The following SEMA6A variants were observed in gnomAD, a reference collection of about 807,000 sequenced individuals.
SEMA6A encodes the protein semaphorin 6A, also known as semaphorin-6A.
Under a neutral mutation model 96.8 loss-of-function variants are expected in SEMA6A, and 25 were observed. The observed-to-expected ratio is 0.26, with a 90% CI of 0.19 to 0.36. The LOEUF (loss-of-function observed/expected upper bound fraction) is 0.36. SEMA6A is among the 10% of genes least tolerant of loss of function. SEMA6A has a pLI of 1.00. For missense variants in SEMA6A, 1,363 were observed against 1,323.1 expected, an observed-to-expected ratio of 1.03 and a Z score of -0.47; for synonymous variants, 612 against 518.0, an observed-to-expected ratio of 1.18 and a Z score of -2.46.
chr5:116,471,296 T>C (rs762953348), intron 17 of SEMA6A: 11 of 152,246 alleles, frequency 7.2e-5, no homozygotes, highest in Non-Finnish European at 1.2e-4. Flanking sequence ...AGAGAGAACA[T>C]AGCTTAGGTA....
chr5:116,454,316 A>ATAGAT (rs1754848822), intron 18 of SEMA6A, among the ~76,000 whole-genome samples: 1 of 152,214 alleles, frequency 6.6e-6, no homozygotes, highest in South Asian at 2.1e-4. Flanking sequence ...TCCCCTAAAA[A>ATAGAT]TAGATTCTTG....
intron 1 of SEMA6A, among the ~76,000 whole-genome samples, chr5:116,519,069 A>G (rs1758804503): frequency 6.6e-6 from 1 of 152,186 alleles, no homozygotes; most frequent in South Asian, 2.1e-4. Context: ...TATCTATTTA[A>G]TCAGCTCTTT....
chr5:116,480,009 GCC>G, intron 12 of SEMA6A, 111 bp downstream of exon 12: 2 of 1,249,886 alleles, frequency 1.6e-6, no homozygotes. Context: ...CTGAATGAAT[GCC>G]CAGGATAGCA....
chr5:116,474,413 C>T (rs537076449), intron 16 of SEMA6A, among the ~76,000 whole-genome samples: 1 of 152,274 alleles, frequency 6.6e-6, no homozygotes, highest in East Asian at 1.9e-4. Flanking sequence ...TGAACGCACA[C>T]ACGTAACATA....
chr5:116,553,814 G>GA, intron 1 of SEMA6A, among the ~76,000 whole-genome samples: 2 of 152,232 alleles, frequency 1.3e-5, no homozygotes, highest in Middle Eastern at 6.8e-3. Flanking sequence ...TTTCAACCAG[G>GA]ATGAATAGTA....
intron 16 of SEMA6A, 142 bp from the exon 17 acceptor site, chr5:116,473,235 G>T: frequency 1.3e-6 from 1 of 759,380 alleles, no homozygotes; most frequent in Non-Finnish European, 2.2e-6. Flanking sequence ...ATTTCTGCGT[G>T]TAATGTAAGA....
intron 1 of SEMA6A, among the ~76,000 whole-genome samples, chr5:116,517,406 T>C (rs185885131): frequency 5.3e-5 from 8 of 152,290 alleles, no homozygotes; most frequent in African/African-American, 1.9e-4. Flanking sequence ...ACACTGGTTT[T>C]GCTAAAATGA....
At chr5:116,535,392 T>C (rs1276312035) in intron 1 of SEMA6A, among the ~76,000 whole-genome samples, 2 of 152,144 alleles carry the variant, frequency 1.3e-5, no homozygotes, top group African/African-American at 4.8e-5. Flanking sequence ...TGGAGATAAA[T>C]AGAAACTGCA....
At chr5:116,528,850 G>A (rs1339775414) in intron 1 of SEMA6A, among the ~76,000 whole-genome samples, 1 of 152,220 alleles carries the variant, frequency 6.6e-6, no homozygotes, top group Non-Finnish European at 1.5e-5. Context: ...CTACCGCTGT[G>A]AATGGCTGTA....
At chr5:116,450,286 G>A (rs1166258997) in intron 18 of SEMA6A, among the ~76,000 whole-genome samples, 2 of 152,174 alleles carry the variant, frequency 1.3e-5, no homozygotes, top group Non-Finnish European at 2.9e-5. Flanking sequence ...ATGGCAATGA[G>A]TATTTCATGA....
chr5:116,466,654 A>G (rs1324851335), intron 18 of SEMA6A, among the ~76,000 whole-genome samples: 2 of 152,180 alleles, frequency 1.3e-5, no homozygotes, highest in African/African-American at 4.8e-5. Context: ...GGGAGGGTGC[A>G]ATAGCGACTG....
intron 18 of SEMA6A, among the ~76,000 whole-genome samples, chr5:116,459,874 C>T (rs941356785): frequency 3.3e-5 from 5 of 152,120 alleles, no homozygotes; most frequent in South Asian, 2.1e-4. Flanking sequence ...TTCTGTAACA[C>T]TCAGCATAAG....
At position 116,445,972 on chromosome 5, in the gene SEMA6A, C is replaced by T. The variant is rs1205605029; in HGVS notation, c.*641G>A. 3 of 152,658 alleles carry T rather than the reference C, an allele frequency of 2.0e-5. No homozygotes were observed. In the East Asian group the frequency reaches 5.8e-4, roughly 29 times the overall value. The allele number at this position is 152,658 out of a possible 1,614,324, so 9.5% of individuals were successfully genotyped here. On this transcript the variant is annotated 3_prime_UTR_variant, in exon 19 of 19. Transcript: ENST00000343348. ...ATTAAAAGAGAGGAGGAGCAGAAATCTATGACATAGTTGCCCAACATGGCA... is the reference window on the plus strand; with the variant it reads ...ATTAAAAGAGAGGAGGAGCAGAAATTTATGACATAGTTGCCCAACATGGCA...
Position 116,454,577 on chromosome 5 carries a change from T to G in SEMA6A, c.1895-6766A>C, listed in dbSNP as rs150280316. ...AAACAAACAAGGGAAAAACCCTAACTGGAGACAATTTATTCTCAAAGCCAC... is the reference window on the plus strand; with the variant it reads ...AAACAAACAAGGGAAAAACCCTAACGGGAGACAATTTATTCTCAAAGCCAC... On this transcript the variant is annotated intron_variant, in intron 18 of 18. Coordinates refer to ENST00000343348, the MANE Select transcript of SEMA6A (RefSeq NM_020796.5). Among the ~76,000 whole-genome samples, 6 of 152,170 alleles carry G rather than the reference T, an allele frequency of 3.9e-5. No homozygotes were observed. In the East Asian group the frequency reaches 1.2e-3, roughly 29 times the overall value.
chr5:116,455,410 A>G (rs1380790625), intron 18 of SEMA6A, among the ~76,000 whole-genome samples: 1 of 152,222 alleles, frequency 6.6e-6, no homozygotes, highest in Admixed American at 6.5e-5. Flanking sequence ...TGCAAGGCGT[A>G]TTTTCCTGCT....
rs753000928 is a variant in SEMA6A at position 116,486,855 on chromosome 5, G to A, written c.856C>T (p.Pro286Ser). 1.2e-6 allele frequency: 2 copies of A among 1,613,664 alleles called. No individual in the cohort carries two copies. The highest frequency in any genetic ancestry group is 2.7e-5 in the African/African-American group (2 of 74,870). Residue 286 changes from proline to serine, a missense_variant, in exon 10 of 19, where the codon CCT (proline) becomes TCT (serine). Pro to Ser is a moderately conservative substitution (Grantham distance 74, BLOSUM62 -1). Coordinates refer to ENST00000343348, the MANE Select transcript of SEMA6A (RefSeq NM_020796.5). ...FLKARLNCSV[P>S]GDSHFYFNIL... is the part of the protein sequence containing the mutation. ...TTGAAATAAAAATGAGAGTCTCCAG[G>A]AACTGAGCAGTTCAAGCGCGCCTTC...
At chr5:116,478,193 T>A in intron 13 of SEMA6A, 39 bp from the exon 14 acceptor site, 1 of 1,598,664 alleles carries the variant, frequency 6.3e-7, no homozygotes, top group Non-Finnish European at 8.5e-7. Context: ...TAATAGACTC[T>A]TCTCTTTTTC....
chr5:116,505,323 A>G (rs905865098), intron 1 of SEMA6A, among the ~76,000 whole-genome samples: 1 of 152,122 alleles, frequency 6.6e-6, no homozygotes, highest in African/African-American at 2.4e-5. Flanking sequence ...GCCAATATTG[A>G]AAAATAGGAG....
At chr5:116,564,449 C>G (rs2112911832) in intron 1 of SEMA6A, among the ~76,000 whole-genome samples, 1 of 152,282 alleles carries the variant, frequency 6.6e-6, no homozygotes, top group Non-Finnish European at 1.5e-5. Context: ...TTGGCTTAGA[C>G]TGGTAGGAGT....
Sources: allele counts gnomAD v4.1 joint callset (sites outside exome capture counted in the v4.1 genomes callset), GRCh38; gene constraint gnomAD v4.1.1; transcripts MANE v1.5; gene names NCBI Gene and HGNC (gene_info 2026-07-23, HGNC 2026-07-21).